The following RPS6KA2 variants were observed in gnomAD, a reference collection of about 807,000 sequenced individuals.
The protein encoded by RPS6KA2 is ribosomal protein S6 kinase alpha-2.
RPS6KA2 carries 42 observed loss-of-function variants against 91.8 expected under a neutral mutation model. The observed-to-expected ratio is 0.46, with a 90% CI of 0.36 to 0.59. RPS6KA2 has a LOEUF of 0.59. Among genes scored for constraint, RPS6KA2 ranks in the 20% least tolerant of loss-of-function variants. The pLI is 0.00. For missense variants in RPS6KA2, 798 were observed against 978.5 expected (o/e 0.82, Z 2.46); for synonymous variants, 414 against 393.6 (o/e 1.05, Z -0.61).
intron 2 of RPS6KA2, among the ~76,000 whole-genome samples, chr6:166,810,839 C>G (rs1398079712): frequency 6.6e-6 from 1 of 152,200 alleles, no homozygotes; most frequent in African/African-American, 2.4e-5. Context: ...TTCTGATCCT[C>G]AAAACATAAC....
intron 2 of RPS6KA2, among the ~76,000 whole-genome samples, chr6:166,778,187 C>T (rs185864222): frequency 1.4e-4 from 21 of 152,310 alleles, no homozygotes; most frequent in Non-Finnish European, 2.4e-4. Flanking sequence ...GTGCCACGGG[C>T]GCAGCAGAGC....
chr6:166,619,565 G>A (rs767674549), intron 1 of RPS6KA2, among the ~76,000 whole-genome samples: 10 of 152,142 alleles, frequency 6.6e-5, no homozygotes, highest in South Asian at 2.1e-4. Flanking sequence ...AGGAGCTGAC[G>A]GCCATGTGGC....
At chr6:166,580,431 T>C (rs1784969061) in intron 1 of RPS6KA2, among the ~76,000 whole-genome samples, 1 of 152,226 alleles carries the variant, frequency 6.6e-6, no homozygotes, top group Non-Finnish European at 1.5e-5. Flanking sequence ...CAGCATTGTC[T>C]TGGGCCACAC....
chr6:166,702,326 G>A (rs937809789), intron 2 of RPS6KA2: 22 of 1,613,394 alleles, frequency 1.4e-5, no homozygotes, highest in Non-Finnish European at 1.5e-5. Context: ...GCGACCTCGG[G>A]GCTGCAGAAA....
chr6:166,566,157 T>C (rs2128507777), intron 1 of RPS6KA2, among the ~76,000 whole-genome samples: 1 of 152,332 alleles, frequency 6.6e-6, no homozygotes, highest in Middle Eastern at 3.4e-3. Context: ...ACAGACCTAC[T>C]CCCGGGCTCC....
At chr6:166,834,154 C>A (rs1780257500) in intron 2 of RPS6KA2, among the ~76,000 whole-genome samples, 2 of 152,212 alleles carry the variant, frequency 1.3e-5, no homozygotes, top group Admixed American at 6.5e-5. Flanking sequence ...TTCCCACCAA[C>A]AACGGAAGAG....
chr6:166,416,026 C>A (rs1778494067), intron 19 of RPS6KA2, among the ~76,000 whole-genome samples: 1 of 145,976 alleles, frequency 6.9e-6, no homozygotes, highest in Admixed American at 6.7e-5. Context: ...ATTACGCTCA[C>A]CATCATCTTC....
rs184056979 is a variant in RPS6KA2, at chr6:166,730,018, G to A, written c.123+128182C>T. 1.6e-3 allele frequency among the ~76,000 whole-genome samples: 251 copies of A among 152,296 alleles called. 2 individuals carry two copies. Among genetic ancestry groups the A allele is most frequent in the African/African-American group, 5.2e-3 (215 of 41,574 alleles). ...AAATAAAGATTTTATGTTTCATCAAGATAATTTTCTGTGTTGCCTTTATTA... is the reference window on the plus strand; with the variant it reads ...AAATAAAGATTTTATGTTTCATCAAAATAATTTTCTGTGTTGCCTTTATTA... On this transcript the variant is annotated intron_variant, in intron 2 of 21. Coordinates refer to the RPS6KA2 transcript ENST00000503859.
At chr6:166,453,956 G>A (rs1021200706) in intron 12 of RPS6KA2, among the ~76,000 whole-genome samples, 2 of 152,238 alleles carry the variant, frequency 1.3e-5, no homozygotes, top group Non-Finnish European at 2.9e-5. Flanking sequence ...CACGTGGAAA[G>A]TCAAACATCG....
rs550369103 is a variant in RPS6KA2, at chr6:166,822,175, A to C, written c.123+36025T>G. Among the ~76,000 whole-genome samples the C allele has an allele frequency of 5.3e-5, 8 of 152,294 alleles. No individual in the cohort carries two copies. In the South Asian group the frequency reaches 1.4e-3, roughly 28 times the overall value. On this transcript the variant is annotated intron_variant, in intron 2 of 21. Transcript: ENST00000503859. ...TCTGACTCTAGCAATTCCATGCTTG[A>C]CATTGGTAAGGGCTTTACGGGCTGG...
At chr6:166,633,086 G>GGT (rs1787134406) in intron 2 of RPS6KA2, among the ~76,000 whole-genome samples, 3 of 152,312 alleles carry the variant, frequency 2.0e-5, no homozygotes, top group Middle Eastern at 3.4e-3. Context: ...TGGATGTGGT[G>GGT]GTGTGTGCCT....
chr6:166,710,568 G>T (rs1562395435), intron 2 of RPS6KA2, among the ~76,000 whole-genome samples: 1 of 151,954 alleles, frequency 6.6e-6, no homozygotes, highest in Non-Finnish European at 1.5e-5. Context: ...CTGTGTGTGT[G>T]TCTATGCCAT....
chr6:166,741,637 A>C (rs1316064295), intron 2 of RPS6KA2, among the ~76,000 whole-genome samples: 1 of 152,198 alleles, frequency 6.6e-6, no homozygotes, highest in Non-Finnish European at 1.5e-5. Flanking sequence ...TGTGTACCCT[A>C]AGTATGCAAG....
Position 166,459,329 on chromosome 6 carries a change from T to TGG in RPS6KA2, c.1075+118_1075+119dup, listed in dbSNP as rs1780198125. 2.0e-5 allele frequency: 13 copies of TGG among 647,348 alleles called. No homozygotes were observed. In the South Asian group the frequency reaches 2.5e-4, roughly 12 times the overall value. The allele number at this position is 647,348 out of a possible 1,614,324, so 40.1% of individuals were successfully genotyped here. On this transcript the variant is annotated intron_variant, in intron 12 of 20. Transcript: ENST00000265678. This position sits in a 1 kb window ranked among gnomAD's most constrained non-coding sequence, Gnocchi z 4.9. Reference sequence around the variant, plus strand: ...ACAACAACAAAAAACCCAAACAGAATGGACAGTTATTTTCCATGAAAAGAA... The same window carrying TGG: ...ACAACAACAAAAAACCCAAACAGAATGGGGACAGTTATTTTCCATGAAAAGAA...
At chr6:166,722,588 G>C (rs1418852262) in intron 2 of RPS6KA2, among the ~76,000 whole-genome samples, 2 of 152,196 alleles carry the variant, frequency 1.3e-5, no homozygotes, top group Non-Finnish European at 2.9e-5. Flanking sequence ...ACCTGGCTTT[G>C]GGTCCGTGAC....
At chr6:166,657,321 T>G (rs543565068) in intron 2 of RPS6KA2, among the ~76,000 whole-genome samples, 4 of 148,614 alleles carry the variant, frequency 2.7e-5, no homozygotes, top group Non-Finnish European at 5.9e-5. Flanking sequence ...TTTGACGATT[T>G]TCTAAAAACA....
At chr6:166,496,775 G>A (rs1344535019) in intron 8 of RPS6KA2, among the ~76,000 whole-genome samples, 1 of 152,230 alleles carries the variant, frequency 6.6e-6, no homozygotes, top group African/African-American at 2.4e-5. Flanking sequence ...TGGATGTGCA[G>A]CGTGGCCAGC....
rs959926099 is a variant in RPS6KA2, at chr6:166,633,765, T to C, written c.124-94981A>G. 2.0e-5 allele frequency among the ~76,000 whole-genome samples: 3 copies of C among 152,356 alleles called. No homozygotes were observed. In the South Asian group the frequency reaches 6.2e-4, roughly 32 times the overall value. On this transcript the variant is annotated intron_variant, in intron 2 of 21. Coordinates refer to the RPS6KA2 transcript ENST00000503859. ...CTTGTTTGAATTTATTCACGTATCATGCATTTCATGATCTCTTCCTCTGTA... is the reference window on the plus strand; with the variant it reads ...CTTGTTTGAATTTATTCACGTATCACGCATTTCATGATCTCTTCCTCTGTA...
At chr6:166,697,311 C>G (rs742269) in intron 2 of RPS6KA2, among the ~76,000 whole-genome samples, 43,207 of 152,010 alleles carry the variant, frequency 0.28, 7,812 homozygotes, top group African/African-American at 0.53. Context: ...GGAAGTTGAC[C>G]ACAAATCAAG....
Sources: gnomAD v4.1 joint callset for allele counts (sites outside exome capture counted in the v4.1 genomes callset) on GRCh38, gnomAD v4.1.1 for gene constraint, Gnocchi (gnomAD v3.1) non-coding constraint, MANE v1.5 for transcripts, NCBI Gene and HGNC (gene_info 2026-07-23, HGNC 2026-07-21) for gene names.